Variants in BDNF observed in about 807,000 individuals in gnomAD.
BDNF encodes brain derived neurotrophic factor.
In BDNF, 1 loss-of-function variant was observed where a neutral mutation model predicts 19.5. The observed-to-expected ratio is 0.05, with a 90% CI of 0.02 to 0.24. BDNF has a LOEUF of 0.24. BDNF is among the 10% of genes least tolerant of loss of function. The pLI is 1.00. For missense variants in BDNF, 195 were observed against 317.6 expected (o/e 0.61, Z 2.93); for synonymous variants, 100 against 121.6 (o/e 0.82, Z 1.17).
chr11:27,667,830 AC>A (rs1033675904), intron 1 of BDNF, among the ~76,000 whole-genome samples: 22 of 152,152 alleles, frequency 1.4e-4, no homozygotes, highest in African/African-American at 5.3e-4. Context: ...AGACTTTATC[AC>A]CCCACGGTCA....
intron 1 of BDNF, chr11:27,698,269 G>A (rs1263882134): frequency 7.8e-6 from 1 of 128,452 alleles, no homozygotes; most frequent in African/African-American, 2.7e-5. Context: ...CTTAAGCAAG[G>A]CATTTGCAAA....
At chr11:27,693,135 T>G (rs1247939500) in intron 1 of BDNF, among the ~76,000 whole-genome samples, 3 of 152,218 alleles carry the variant, frequency 2.0e-5, no homozygotes, top group Non-Finnish European at 4.4e-5. Context: ...TAAAACAACT[T>G]ATTTCATTTC....
intron 1 of BDNF, among the ~76,000 whole-genome samples, chr11:27,679,653 C>T (rs1856606096): frequency 6.6e-6 from 1 of 152,162 alleles, no homozygotes; most frequent in South Asian, 2.1e-4. Context: ...TTCAGTATTA[C>T]CCCAAATGGC....
Position 27,657,734 on chromosome 11 carries a change from C to T in BDNF, c.*87G>A. 2 of 1,562,354 alleles carry T rather than the reference C, an allele frequency of 1.3e-6. No homozygotes were observed. Among genetic ancestry groups the T allele is most frequent in the East Asian group, 2.4e-5 (1 of 41,768 alleles). On this transcript the variant is annotated 3_prime_UTR_variant, in exon 2 of 2. Transcript: ENST00000356660. The surrounding 1 kb of genome is among the most constrained non-coding windows in gnomAD (Gnocchi z 5.0). Reference sequence around the variant, plus strand: ...ATGCAGTTCATAAAATTATTTTTTTCTTAACTGAATAATTTACCCTGTTAT... The same window carrying T: ...ATGCAGTTCATAAAATTATTTTTTTTTTAACTGAATAATTTACCCTGTTAT...
At chr11:27,713,998 C>T (rs749008474) in intron 1 of BDNF, among the ~76,000 whole-genome samples, 44 of 152,260 alleles carry the variant, frequency 2.9e-4, no homozygotes, top group Non-Finnish European at 5.0e-4. Context: ...AAATAGAATT[C>T]AAGAATGATG....
intron 1 of BDNF, chr11:27,719,531 G>C: frequency 7.1e-6 from 7 of 985,418 alleles, no homozygotes; most frequent in Non-Finnish European, 8.4e-6. Context: ...TGAGGCATCC[G>C]GCCCGGCTGG....
intron 1 of BDNF, among the ~76,000 whole-genome samples, chr11:27,708,375 G>A (rs1169135596): frequency 6.6e-6 from 1 of 152,158 alleles, no homozygotes; most frequent in Non-Finnish European, 1.5e-5. Context: ...AGAGCAAAGT[G>A]AGTAAAAATA....
rs184568364 is a variant in BDNF at position 27,671,245 on chromosome 11, A to G, written c.-21-12660T>C. Reference sequence around the variant, plus strand: ...TGGGTGCAGCACACCAACATGGCACATGTATACATATGTAACAAACCTGCA... The same window carrying G: ...TGGGTGCAGCACACCAACATGGCACGTGTATACATATGTAACAAACCTGCA... On this transcript the variant is annotated intron_variant, in intron 1 of 1. Transcript: ENST00000356660. Among the ~76,000 whole-genome samples, 458 of 152,142 alleles carry G rather than the reference A, an allele frequency of 3.0e-3. 2 individuals carry two copies. Among genetic ancestry groups the G allele is most frequent in the African/African-American group, 0.011 (436 of 41,518 alleles).
chr11:27,702,442 C>T (rs998643685), upstream of BDNF, among the ~76,000 whole-genome samples: 2 of 152,134 alleles, frequency 1.3e-5, no homozygotes, highest in African/African-American at 2.4e-5. Context: ...AATCTCCCAC[C>T]AAGCCCACAC....
chr11:27,688,255 C>A (rs773533338), intron 1 of BDNF, among the ~76,000 whole-genome samples: 14 of 152,324 alleles, frequency 9.2e-5, no homozygotes, highest in Non-Finnish European at 1.5e-4. Flanking sequence ...GGATGCCCCT[C>A]CCCCGACCAA....
rs1852858181 is a variant in BDNF, at chr11:27,658,467, G to A, written c.98C>T (p.Ala33Val). ...EANIRGQGGLAYPGVRTHGTL... is the reference protein window; with the variant it reads ...EANIRGQGGLVYPGVRTHGTL... ...CCCATGGGTCCGCACACCTGGGTAGGCCAAGCCACCTTGTCCTCGGATGTT... is the reference window on the plus strand; with the variant it reads ...CCCATGGGTCCGCACACCTGGGTAGACCAAGCCACCTTGTCCTCGGATGTT... Residue 33 changes from alanine to valine, a missense_variant, in exon 2 of 2, where the codon GCC becomes GTC. Transcript: ENST00000356660. This position sits in a 1 kb window ranked among gnomAD's most constrained non-coding sequence, Gnocchi z 5.7. 1 of 1,614,026 alleles carries A rather than the reference G, an allele frequency of 6.2e-7. No individual in the cohort carries two copies.
chr11:27,696,128 C>T (rs1778545592), intron 1 of BDNF, among the ~76,000 whole-genome samples: 1 of 152,026 alleles, frequency 6.6e-6, no homozygotes, highest in Non-Finnish European at 1.5e-5. Context: ...TAAATCTTTA[C>T]AGTGTAAATA....
chr11:27,693,992 A>C (rs548735270), intron 1 of BDNF, among the ~76,000 whole-genome samples: 1 of 152,232 alleles, frequency 6.6e-6, no homozygotes, highest in East Asian at 1.9e-4. Context: ...TCTGAAAAAG[A>C]AAGTTTTCTG....
At chr11:27,716,514 C>T (rs1000319220) in intron 1 of BDNF, among the ~76,000 whole-genome samples, 1 of 149,500 alleles carries the variant, frequency 6.7e-6, no homozygotes, top group African/African-American at 2.5e-5. Context: ...AGAAAGACAC[C>T]AGCCAAAGAA....
upstream of BDNF, among the ~76,000 whole-genome samples, chr11:27,703,471 G>T (rs1859993472): frequency 1.3e-5 from 2 of 152,136 alleles, no homozygotes; most frequent in South Asian, 2.1e-4. Context: ...TTAATGCCAG[G>T]AATCTAAGCT....
intron 1 of BDNF, among the ~76,000 whole-genome samples, chr11:27,670,321 G>C (rs1347896327): frequency 1.3e-5 from 2 of 152,134 alleles, no homozygotes; most frequent in African/African-American, 4.8e-5. Flanking sequence ...AGAAAACCTA[G>C]GCAATACCAT....
At chr11:27,673,979 C>T (rs1192270752) in intron 1 of BDNF, 3 of 1,430,296 alleles carry the variant, frequency 2.1e-6, no homozygotes, top group Non-Finnish European at 2.8e-6. Flanking sequence ...AAGAATAACA[C>T]TCCTTTTCAA....
At chr11:27,683,487 A>G (rs1167381711) in intron 1 of BDNF, among the ~76,000 whole-genome samples, 1 of 152,148 alleles carries the variant, frequency 6.6e-6, no homozygotes, top group Non-Finnish European at 1.5e-5. Flanking sequence ...TGCCATGCCT[A>G]TGTCCTGAAT....
chr11:27,719,337 G>T (rs1257739741), intron 1 of BDNF, among the ~76,000 whole-genome samples: 1 of 152,350 alleles, frequency 6.6e-6, no homozygotes, highest in East Asian at 1.9e-4. Context: ...TGCGCGTCCA[G>T]CTGATTGGTG....
Sources: allele counts gnomAD v4.1 joint callset (sites outside exome capture counted in the v4.1 genomes callset), GRCh38; gene constraint gnomAD v4.1.1; non-coding constraint Gnocchi (gnomAD v3.1); transcripts MANE v1.5; gene names NCBI Gene and HGNC (gene_info 2026-07-23, HGNC 2026-07-21).